CCDC34: variants seen among roughly 807,000 people sequenced by gnomAD.
CCDC34 encodes the protein coiled-coil domain containing 34.
CCDC34 carries 40 observed loss-of-function variants against 44.1 expected under a neutral mutation model. The observed-to-expected ratio is 0.91, with a 90% CI of 0.70 to 1.18. CCDC34 has a LOEUF of 1.18. CCDC34 is among the 50% of genes most tolerant of loss of function. The pLI, the probability that CCDC34 is intolerant of heterozygous loss-of-function variation, is 0.00. For synonymous variants in CCDC34, 159 were observed against 158.2 expected, an observed-to-expected ratio of 1.01 and a Z score of -0.04; for missense variants, 466 against 452.3, an observed-to-expected ratio of 1.03 and a Z score of -0.28.
rs10835167 is a variant in CCDC34, at chr11:27,338,633, A to G, written c.*188T>C. 1 allele frequency: 543,501 copies of G among 545,914 alleles called. 270,594 individuals are homozygous for G. The highest frequency in any genetic ancestry group is 1 in the East Asian group (30,802 of 30,802). The allele number at this position is 545,914 out of a possible 1,614,324, so 33.8% of individuals were successfully genotyped here. A position where few individuals can be genotyped will look rare whatever the true frequency, so the allele number is the denominator to read the frequency against. ...AAAACAACATGCCAAGATCAACCTTAAAAAGTTTATAAAAACCAAAATCCA... is the reference window on the plus strand; with the variant it reads ...AAAACAACATGCCAAGATCAACCTTGAAAAGTTTATAAAAACCAAAATCCA... On this transcript the variant is annotated 3_prime_UTR_variant, in exon 6 of 6. Transcript: ENST00000328697.
chr11:27,359,853 AACTCCAGCACTGCCT>A (rs1862636644), intron 1 of CCDC34, among the ~76,000 whole-genome samples: 1 of 152,152 alleles, frequency 6.6e-6, no homozygotes. Context: ...TTCAAAATTC[AACTCCAGCACTGCCT>A]GGAGCCACAA....
chr11:27,342,783 C>A (rs1862379942), intron 3 of CCDC34, among the ~76,000 whole-genome samples: 1 of 152,106 alleles, frequency 6.6e-6, no homozygotes. Context: ...AATATTGATC[C>A]TTGACACAGA....
At chr11:27,362,690 A>G in intron 1 of CCDC34, 146 bp downstream of exon 1, 1 of 785,994 alleles carries the variant, frequency 1.3e-6, no homozygotes, top group East Asian at 2.6e-5. Flanking sequence ...AGGGCTCTTT[A>G]TGTGCAAAAA....
At chr11:27,362,143 T>C (rs763468129) in intron 1 of CCDC34, among the ~76,000 whole-genome samples, 3 of 152,292 alleles carry the variant, frequency 2.0e-5, no homozygotes, top group East Asian at 1.9e-4. Context: ...TTCATGAGAG[T>C]AGAGACCAGT....
At position 27,357,388 on chromosome 11, in the gene CCDC34, A is replaced by T. The variant is rs747317938; in HGVS notation, c.498+15T>A. The T allele has an allele frequency of 1.1e-5, 18 of 1,604,418 alleles. No homozygotes were observed. The highest frequency in any genetic ancestry group is 6.7e-5 in the East Asian group (3 of 44,802). ...AGCTCACAGATTAAATAAAAAGAAC[A>T]CTGTCTAGTTTTACCTCTAGAGCTT... On this transcript the variant is annotated intron_variant, in intron 2 of 5. Coordinates refer to ENST00000328697, the MANE Select transcript of CCDC34 (RefSeq NM_030771.2).
At chr11:27,349,735 T>G in intron 3 of CCDC34, 3 of 970,680 alleles carry the variant, frequency 3.1e-6, no homozygotes, top group Non-Finnish European at 3.7e-6. Flanking sequence ...AAACTATTTT[T>G]GGACATATAT....
chr11:27,350,630 T>C (rs1041043316), intron 2 of CCDC34, among the ~76,000 whole-genome samples, 191 bp from the exon 3 acceptor site: 3 of 152,246 alleles, frequency 2.0e-5, no homozygotes, highest in Non-Finnish European at 4.4e-5. Flanking sequence ...AAAGTATAAG[T>C]CATTTTTTAG....
rs1273782378 is a variant in CCDC34 at position 27,357,495 on chromosome 11, G to A, written c.406C>T (p.Arg136Cys). 2.5e-6 allele frequency: 4 copies of A among 1,613,866 alleles called. No individual in the cohort carries two copies. Among genetic ancestry groups the A allele is most frequent in the Middle Eastern group, 1.6e-4 (1 of 6,062 alleles). Residue 136 changes from arginine to cysteine, a missense_variant, in exon 2 of 6, where the codon CGC (arginine) becomes TGC (cysteine). Coordinates refer to ENST00000328697, the MANE Select transcript of CCDC34 (RefSeq NM_030771.2). ...GGTGTCAGGCGGCTTTCTGGTAAGC[G>A]CACCTGTTTCTGTTCTTCTTGGTTA... is the stretch of plus-strand genomic sequence containing the variant. ...ENNQEEQKQV[R>C]LPESRLTPWE... is the part of the protein sequence containing the mutation.
chr11:27,346,674 A>G (rs1391369399), intron 3 of CCDC34, among the ~76,000 whole-genome samples: 1 of 152,142 alleles, frequency 6.6e-6, no homozygotes, highest in Non-Finnish European at 1.5e-5. Context: ...CAACAACACA[A>G]AACAAGCCAA....
At chr11:27,341,874 C>G (rs1862365322) in intron 3 of CCDC34, among the ~76,000 whole-genome samples, 1 of 152,144 alleles carries the variant, frequency 6.6e-6, no homozygotes, top group Non-Finnish European at 1.5e-5. Flanking sequence ...CAAATATCAT[C>G]TTTGAGGGAC....
chr11:27,361,438 A>C (rs1862662966), intron 1 of CCDC34, among the ~76,000 whole-genome samples: 1 of 152,232 alleles, frequency 6.6e-6, no homozygotes, highest in African/African-American at 2.4e-5. Flanking sequence ...TAAAGCCTTC[A>C]AATTTACTTT....
At chr11:27,354,728 C>T (rs572994139) in intron 2 of CCDC34, among the ~76,000 whole-genome samples, 7 of 139,466 alleles carry the variant, frequency 5.0e-5, no homozygotes, top group African/African-American at 1.9e-4. Context: ...ATTAGCCAGG[C>T]GTGGTAGCGT....
At chr11:27,355,386 C>T (rs1276030499) in intron 2 of CCDC34, among the ~76,000 whole-genome samples, 2 of 151,956 alleles carry the variant, frequency 1.3e-5, no homozygotes, top group Non-Finnish European at 2.9e-5. Flanking sequence ...AAATAGAGTG[C>T]TCACTATGAA....
intron 3 of CCDC34, among the ~76,000 whole-genome samples, chr11:27,344,367 C>G (rs1332943236): frequency 3.4e-5 from 5 of 148,372 alleles, no homozygotes; most frequent in African/African-American, 1.2e-4. Context: ...CACATGCATG[C>G]TGCATGTTAT....
intron 3 of CCDC34, 172 bp downstream of exon 3, chr11:27,350,160 A>T: frequency 2.7e-6 from 4 of 1,504,040 alleles, no homozygotes; most frequent in Non-Finnish European, 3.5e-6. Context: ...GTAGAGGGCA[A>T]AGGGCAGAAG....
At position 27,355,036 on chromosome 11, in the gene CCDC34, C is replaced by G. The variant is rs144165354; in HGVS notation, c.498+2367G>C. Among the ~76,000 whole-genome samples the G allele has an allele frequency of 2.4e-3, 361 of 152,174 alleles. 2 individuals are homozygous for G. The highest frequency in any genetic ancestry group is 4.1e-3 in the Non-Finnish European group (279 of 68,014). On this transcript the variant is annotated intron_variant, in intron 2 of 5. Transcript: ENST00000328697. ...CCTTGTTCTGTGTGACTACCAAGCCCGGGCTTTACTAACTTTCTGAAATTC... is the reference window on the plus strand; with the variant it reads ...CCTTGTTCTGTGTGACTACCAAGCCGGGGCTTTACTAACTTTCTGAAATTC...
chr11:27,349,783 CAA>C, intron 3 of CCDC34: 7 of 950,086 alleles, frequency 7.4e-6, no homozygotes, highest in Non-Finnish European at 8.8e-6. Flanking sequence ...GAAAACTGAA[CAA>C]AAGAGGCAAA....
At chr11:27,355,328 C>CAT (rs1590329801) in intron 2 of CCDC34, among the ~76,000 whole-genome samples, 1 of 151,968 alleles carries the variant, frequency 6.6e-6, no homozygotes, top group Non-Finnish European at 1.5e-5. Flanking sequence ...TGTATAAATA[C>CAT]ATATATATAG....
At position 27,340,850 on chromosome 11, in the gene CCDC34, A is replaced by C. The variant is rs375812091; in HGVS notation, c.766-13T>G. 6 of 1,609,066 alleles carry C rather than the reference A, an allele frequency of 3.7e-6. No individual in the cohort carries two copies. In the African/African-American group the frequency reaches 8.0e-5, roughly 22 times the overall value. ...GTTTTTCTTTTTCCTTAAAATGACA[A>C]GACCAAAATATTTCCAGGGATATTC... On this transcript the variant is annotated splice_polypyrimidine_tract_variant and intron_variant, in intron 4 of 5. Transcript: ENST00000328697.
Sources: gnomAD v4.1 joint callset for allele counts (sites outside exome capture counted in the v4.1 genomes callset) on GRCh38, gnomAD v4.1.1 for gene constraint, MANE v1.5 for transcripts, NCBI Gene and HGNC (gene_info 2026-07-23, HGNC 2026-07-21) for gene names.